ZC3H18: variants seen among roughly 807,000 people sequenced by gnomAD.
The protein encoded by ZC3H18 is zinc finger CCCH domain-containing protein 18.
A neutral mutation model predicts 106.1 loss-of-function variants in ZC3H18; 8 were observed. The observed-to-expected ratio is 0.08, with a 90% confidence interval of 0.04 to 0.14. The LOEUF (loss-of-function observed/expected upper bound fraction) is 0.14, where lower values mean the gene tolerates loss of function less well. Ranked by LOEUF, ZC3H18 falls within the 10% of genes least tolerant of loss-of-function variation. The pLI is 1.00. For synonymous variants in ZC3H18, 635 were observed against 522.1 expected (o/e 1.22, Z -2.95); for missense variants, 1,318 against 1,278.4 (o/e 1.03, Z -0.47).
In ZC3H18 at chr16:88,601,180, A is replaced by C. The variant is rs144025118; in HGVS notation, c.1088+1232A>C. Among the ~76,000 whole-genome samples, 68 of 152,330 alleles carry C rather than the reference A, an allele frequency of 4.5e-4. No homozygotes were observed. The East Asian group carries it at 0.013, about 29-fold the overall frequency. On this transcript the variant is annotated intron_variant, in intron 6 of 17. Coordinates refer to ENST00000301011, the MANE Select transcript of ZC3H18 (RefSeq NM_144604.4). The stretch of plus-strand genomic sequence containing the variant: ...AGGTGAGAGCTTAGAGGTTAAAGGG[A>C]TAGGTATTTAAAGACTTGGTTAACA...
At chr16:88,614,004 G>A (rs1905424471) in intron 8 of ZC3H18, among the ~76,000 whole-genome samples, 1 of 152,200 alleles carries the variant, frequency 6.6e-6, no homozygotes, top group Non-Finnish European at 1.5e-5. Flanking sequence ...CCGTCCCCGT[G>A]GGGGTGAAAT....
At chr16:88,616,037 G>A in intron 8 of ZC3H18, among the ~76,000 whole-genome samples, 1 of 152,330 alleles carries the variant, frequency 6.6e-6, no homozygotes, top group East Asian at 1.9e-4. Flanking sequence ...CTCCCCAGAG[G>A]AAAGCGGGTG....
intron 7 of ZC3H18, 88 bp downstream of exon 7, chr16:88,609,139 T>G (rs1905155054): frequency 9.1e-7 from 1 of 1,095,512 alleles, no homozygotes; most frequent in Non-Finnish European, 1.3e-6. Context: ...AATACAGGGC[T>G]TTATATGAGC....
chr16:88,598,445 T>G, intron 4 of ZC3H18, 119 bp downstream of exon 4: 16 of 1,499,880 alleles, frequency 1.1e-5, no homozygotes, highest in Non-Finnish European at 1.3e-5. Context: ...TTCGGCTGCT[T>G]CTGTCGTCCC....
chr16:88,599,726 G>C (rs1014337855), intron 5 of ZC3H18, 65 bp from the exon 6 acceptor site: 23 of 1,549,420 alleles, frequency 1.5e-5, no homozygotes, highest in Non-Finnish European at 1.9e-5. Flanking sequence ...GGCTCCCTTT[G>C]TGTTTCCTAA....
At position 88,627,452 on chromosome 16, in the gene ZC3H18, C is replaced by T. The variant is rs375618297; in HGVS notation, c.2109-170C>T. The T allele has an allele frequency of 1.1e-3, 928 of 831,436 alleles. 22 individuals are homozygous for T. The South Asian group carries it at 0.019, about 17-fold the overall frequency. The allele number at this position is 831,436 out of a possible 1,614,324, so 51.5% of individuals were successfully genotyped here. ...TGGGGCCCTGGCCTAGCCATGGGGA[C>T]GTCCCTTACTTTGTAACCCTGAAAC... is the stretch of plus-strand genomic sequence containing the variant. On this transcript the variant is annotated intron_variant, in intron 13 of 17. Coordinates refer to ENST00000301011, the MANE Select transcript of ZC3H18 (RefSeq NM_144604.4). This position sits in a 1 kb window ranked among gnomAD's most constrained non-coding sequence, Gnocchi z 4.5.
At chr16:88,604,689 GA>G (rs1033559091) in intron 6 of ZC3H18, among the ~76,000 whole-genome samples, 1 of 151,036 alleles carries the variant, frequency 6.6e-6, no homozygotes, top group Admixed American at 6.6e-5. Context: ...CCATCTCAAA[GA>G]AAAAAAAAGA....
chr16:88,622,355 C>T lies in ZC3H18; in HGVS notation c.1634C>T (p.Ser545Leu), dbSNP rs1483703342. Residue 545 changes from serine (S) to leucine (L), a missense_variant, in exon 9 of 18, where the codon TCA (serine) becomes TTA (leucine). By Grantham distance (145) the Ser-to-Leu change is moderately radical. Coordinates refer to ENST00000301011, the MANE Select transcript of ZC3H18 (RefSeq NM_144604.4). ...CGGGCTCGAAGGCGTCGGAAAACAT[C>T]AGCCTCGTCAGCCTCTGCCTCTAAT... is the stretch of plus-strand genomic sequence containing the variant. ...PSRARRRRKT[S>L]ASSASASNSS... 6.2e-7 allele frequency: 1 copy of T among 1,611,784 alleles called. No homozygotes were observed. Among genetic ancestry groups the T allele is most frequent in the African/African-American group, 1.3e-5 (1 of 75,006 alleles).
intron 8 of ZC3H18, 115 bp downstream of exon 8, chr16:88,611,651 G>A (rs1358399261): frequency 9.8e-6 from 14 of 1,422,848 alleles, no homozygotes; most frequent in South Asian, 1.5e-5. Flanking sequence ...GAGCCCAGGG[G>A]ACCAGTGCAG....
intron 2 of ZC3H18, among the ~76,000 whole-genome samples, chr16:88,583,278 A>G (rs1198548788): frequency 6.6e-6 from 1 of 152,256 alleles, no homozygotes; most frequent in African/African-American, 2.4e-5. Context: ...AGAAAGCGAA[A>G]ATCCCCTGTG....
intron 8 of ZC3H18, among the ~76,000 whole-genome samples, chr16:88,612,409 C>G (rs188296562): frequency 1.7e-4 from 26 of 151,780 alleles, no homozygotes; most frequent in African/African-American, 6.0e-4. Context: ...CTCACACTTG[C>G]ACCCTGCACT....
At chr16:88,598,555 G>T in intron 4 of ZC3H18, 65 bp from the exon 5 acceptor site, 1 of 1,521,166 alleles carries the variant, frequency 6.6e-7, no homozygotes, top group South Asian at 1.2e-5. Context: ...TGTTTTTACT[G>T]TCTGGTTTCT....
Position 88,616,262 on chromosome 16 carries a change from G to A in ZC3H18, c.1475+4726G>A, listed in dbSNP as rs1905595891. Among the ~76,000 whole-genome samples, 2 of 152,160 alleles carry A rather than the reference G, an allele frequency of 1.3e-5. 1 individual carries two copies. The highest frequency in any genetic ancestry group is 4.1e-4 in the South Asian group (2 of 4,820). On this transcript the variant is annotated intron_variant, in intron 8 of 17. Transcript: ENST00000301011. ...TGAGTTTTTCTTAAAATCAAACACAGCTGCTCTCACCAAACTGGGCCGAGC... is the reference window on the plus strand; with the variant it reads ...TGAGTTTTTCTTAAAATCAAACACAACTGCTCTCACCAAACTGGGCCGAGC...
chr16:88,589,294 C>G (rs1012022405), intron 3 of ZC3H18, among the ~76,000 whole-genome samples: 1 of 152,206 alleles, frequency 6.6e-6, no homozygotes. Flanking sequence ...CTGTATGACC[C>G]AGCAGTTCCA....
At position 88,596,706 on chromosome 16, in the gene ZC3H18, T is replaced by G. The variant is rs1597335762; in HGVS notation, c.689-1472T>G. Reference sequence around the variant, plus strand: ...CTGTGGTTTCTATTGTCAGCACTTTTCTGTACTTGGACATTTTTTACAATG... The same window carrying G: ...CTGTGGTTTCTATTGTCAGCACTTTGCTGTACTTGGACATTTTTTACAATG... On this transcript the variant is annotated intron_variant, in intron 3 of 17. Coordinates refer to ENST00000301011, the MANE Select transcript of ZC3H18 (RefSeq NM_144604.4). Among the ~76,000 whole-genome samples the G allele has an allele frequency of 2.0e-5, 3 of 152,344 alleles. No individual in the cohort carries two copies. The East Asian group carries it at 5.8e-4, about 29-fold the overall frequency.
intron 12 of ZC3H18, 142 bp from the exon 13 acceptor site, chr16:88,625,060 G>T (rs577641052): frequency 1.2e-5 from 12 of 1,004,574 alleles, no homozygotes; most frequent in Non-Finnish European, 1.8e-5. Context: ...TGAGCCTAAA[G>T]GAAGACAGGC....
At chr16:88,597,776 T>C (rs927175223) in intron 3 of ZC3H18, among the ~76,000 whole-genome samples, 6 of 152,236 alleles carry the variant, frequency 3.9e-5, no homozygotes, top group African/African-American at 1.4e-4. Context: ...ATGCTTCTCA[T>C]TGATGTCTGT....
chr16:88,630,449 T>C, intron 16 of ZC3H18, 36 bp from the exon 17 acceptor site: 1 of 1,573,212 alleles, frequency 6.4e-7, no homozygotes, highest in Non-Finnish European at 8.7e-7. Context: ...TCCCTGTACA[T>C]CAGGAGGGTG....
chr16:88,617,740 G>A (rs1016774027), intron 8 of ZC3H18, among the ~76,000 whole-genome samples: 3 of 152,202 alleles, frequency 2.0e-5, no homozygotes, highest in African/African-American at 4.8e-5. Flanking sequence ...TACTCACCCC[G>A]GGCTCTTCAT....
Sources: allele counts gnomAD v4.1 joint callset (sites outside exome capture counted in the v4.1 genomes callset), GRCh38; gene constraint gnomAD v4.1.1; non-coding constraint Gnocchi (gnomAD v3.1); transcripts MANE v1.5; gene names NCBI Gene and HGNC (gene_info 2026-07-23, HGNC 2026-07-21).